Variants in ATP11B observed in about 807,000 individuals in gnomAD.
The protein encoded by ATP11B is phospholipid-transporting ATPase IF.
A neutral mutation model predicts 157.8 loss-of-function variants in ATP11B; 81 were observed. That is an observed-to-expected ratio of 0.51 (90% CI 0.43 to 0.62). The LOEUF is 0.62. ATP11B is among the 20% of genes least tolerant of loss of function. The probability of loss-of-function intolerance (pLI) is 0.00; values close to 1 mark genes in which losing one functional copy is unlikely to be tolerated. For synonymous variants in ATP11B, 451 were observed against 469.4 expected (o/e 0.96, Z 0.51); for missense variants, 1,165 against 1,402.2 (o/e 0.83, Z 2.70).
intron 1 of ATP11B, among the ~76,000 whole-genome samples, chr3:182,800,556 A>G (rs9863174): frequency 0.71 from 108,134 of 151,810 alleles, 38,958 homozygotes; most frequent in Non-Finnish European, 0.77. Flanking sequence ...TTTTGCATAT[A>G]TGGTTATAAT....
Position 182,864,463 on chromosome 3 carries a change from G to T in ATP11B, c.1201-993G>T, listed in dbSNP as rs1025178744. ...TTGTTGAACGCCTTTATCATGAAGGGTATTGGATTTTTATCAAATGCTTTT... is the reference window on the plus strand; with the variant it reads ...TTGTTGAACGCCTTTATCATGAAGGTTATTGGATTTTTATCAAATGCTTTT... On this transcript the variant is annotated intron_variant, in intron 12 of 29. Transcript: ENST00000323116. Among the ~76,000 whole-genome samples, 7 of 151,976 alleles carry T rather than the reference G, an allele frequency of 4.6e-5. No individual in the cohort carries two copies. The East Asian group carries it at 1.2e-3, about 25-fold the overall frequency.
intron 2 of ATP11B, among the ~76,000 whole-genome samples, chr3:182,825,534 C>T (rs141942639): frequency 0.011 from 1,616 of 152,188 alleles, 30 homozygotes; most frequent in African/African-American, 0.037. Context: ...GCCTGGCCAA[C>T]AGGGTGAAAC....
At chr3:182,862,836 A>T (rs1306318288) in intron 12 of ATP11B, among the ~76,000 whole-genome samples, 2 of 149,578 alleles carry the variant, frequency 1.3e-5, no homozygotes, top group Admixed American at 6.7e-5. Context: ...TTTTATCCTC[A>T]TGGTGAAGTT....
chr3:182,885,208 C>G (rs1408736713), intron 22 of ATP11B, among the ~76,000 whole-genome samples: 7 of 152,040 alleles, frequency 4.6e-5, no homozygotes. Flanking sequence ...CCATGAATGA[C>G]CTTTTAGTAG....
intron 10 of ATP11B, among the ~76,000 whole-genome samples, chr3:182,854,798 CA>C (rs1720252014): frequency 7.9e-6 from 1 of 127,196 alleles, no homozygotes; most frequent in Non-Finnish European, 1.7e-5. Flanking sequence ...CACACACACA[CA>C]CCTGCCTACA....
intron 4 of ATP11B, among the ~76,000 whole-genome samples, chr3:182,835,614 A>T (rs901142151): frequency 1.3e-4 from 20 of 152,280 alleles, no homozygotes; most frequent in Admixed American, 9.2e-4. Context: ...TGAGATATTA[A>T]TAAAGCAATT....
intron 28 of ATP11B, among the ~76,000 whole-genome samples, chr3:182,904,285 A>G (rs147550676): frequency 7.9e-4 from 121 of 152,318 alleles, no homozygotes; most frequent in African/African-American, 2.8e-3. Context: ...GCATCATAGA[A>G]GAGCAAAAAG....
rs746015090 is a variant in ATP11B, at chr3:182,884,740, C to T, written c.2510-13C>T. 1.2e-5 allele frequency: 19 copies of T among 1,580,390 alleles called. No homozygotes were observed. The highest frequency in any genetic ancestry group is 6.8e-6 in the Non-Finnish European group (8 of 1,170,674). On this transcript the variant is annotated splice_polypyrimidine_tract_variant and intron_variant, in intron 21 of 29. Coordinates refer to ENST00000323116, the MANE Select transcript of ATP11B (RefSeq NM_014616.3). Reference sequence around the variant, plus strand: ...GTTATCAGTGAACATGTCTTTTGTCCCTTTTATTATAGGAATCATGGGTAA... The same window carrying T: ...GTTATCAGTGAACATGTCTTTTGTCTCTTTTATTATAGGAATCATGGGTAA...
At position 182,898,786 on chromosome 3, in the gene ATP11B, A is replaced by G. The variant is rs748906607; in HGVS notation, c.3318+14A>G. The stretch of plus-strand genomic sequence containing the variant: ...GAAAAGGCACAGGTAACCACTTTTT[A>G]TAATAAATTCAATATCTTTTTAGTT... On this transcript the variant is annotated intron_variant, in intron 28 of 29. Coordinates refer to ENST00000323116, the MANE Select transcript of ATP11B (RefSeq NM_014616.3). 3.4e-6 allele frequency: 5 copies of G among 1,465,904 alleles called. No homozygotes were observed. Among genetic ancestry groups the G allele is most frequent in the East Asian group, 4.9e-5 (2 of 40,460 alleles). 90.8% of individuals were successfully genotyped at this position (1,465,904 alleles called of 1,614,324 possible). A position where few individuals can be genotyped will look rare whatever the true frequency, so the allele number is the denominator to read the frequency against.
At chr3:182,908,965 A>G (rs758119306) in intron 28 of ATP11B, among the ~76,000 whole-genome samples, 5 of 152,238 alleles carry the variant, frequency 3.3e-5, no homozygotes, top group Non-Finnish European at 7.3e-5. Flanking sequence ...TATCCAGTAT[A>G]TAGAACACCT....
At chr3:182,816,721 A>G (rs1416758664) in intron 1 of ATP11B, among the ~76,000 whole-genome samples, 3 of 152,244 alleles carry the variant, frequency 2.0e-5, no homozygotes, top group Admixed American at 6.5e-5. Context: ...GCTTCTTTTC[A>G]TCATGCAAAG....
At chr3:182,878,643 A>G (rs894621088) in intron 19 of ATP11B, among the ~76,000 whole-genome samples, 81 of 152,182 alleles carry the variant, frequency 5.3e-4, no homozygotes, top group African/African-American at 1.9e-3. Context: ...TTGGAGTAGC[A>G]CCTACGTAGC....
At chr3:182,864,692 CTTCTT>C (rs372341584) in intron 12 of ATP11B, among the ~76,000 whole-genome samples, 6 of 152,018 alleles carry the variant, frequency 3.9e-5, no homozygotes, top group Non-Finnish European at 7.4e-5. Flanking sequence ...TGATCTGTAG[CTTCTT>C]TTCTTGTGAT....
chr3:182,914,056 C>A, intron 29 of ATP11B, 62 bp downstream of exon 29: 2 of 1,595,792 alleles, frequency 1.3e-6, no homozygotes, highest in Non-Finnish European at 1.7e-6. Context: ...ACAGGATGAA[C>A]CTGCCGCTCT....
chr3:182,884,420 T>A (rs1722663676), intron 21 of ATP11B, among the ~76,000 whole-genome samples: 1 of 152,142 alleles, frequency 6.6e-6, no homozygotes, highest in African/African-American at 2.4e-5. Flanking sequence ...ATTCTGTCCA[T>A]CAGAAGTCTG....
At chr3:182,869,639 T>C (rs537041236) in intron 17 of ATP11B, among the ~76,000 whole-genome samples, 2 of 152,334 alleles carry the variant, frequency 1.3e-5, no homozygotes, top group East Asian at 3.9e-4. Context: ...GGAACCCTTA[T>C]ACACATATTG....
At chr3:182,849,316 C>T (rs1030306795) in intron 10 of ATP11B, among the ~76,000 whole-genome samples, 1 of 152,120 alleles carries the variant, frequency 6.6e-6, no homozygotes, top group African/African-American at 2.4e-5. Context: ...ATAAAAATAG[C>T]ACTCTTCTGA....
intron 29 of ATP11B, 117 bp from the exon 30 acceptor site, chr3:182,917,906 A>G (rs1474123232): frequency 7.0e-7 from 1 of 1,422,788 alleles, no homozygotes; most frequent in Non-Finnish European, 9.2e-7. Context: ...ACCTCTCTTT[A>G]GTATTTAAAT....
intron 28 of ATP11B, among the ~76,000 whole-genome samples, chr3:182,901,045 T>A (rs771942354): frequency 2.6e-5 from 4 of 152,118 alleles, no homozygotes; most frequent in Admixed American, 6.6e-5. Flanking sequence ...TAGCCGGGCA[T>A]GGTGGCAGGC....
Sources: allele counts gnomAD v4.1 joint callset (sites outside exome capture counted in the v4.1 genomes callset), GRCh38; gene constraint gnomAD v4.1.1; transcripts MANE v1.5; gene names NCBI Gene and HGNC (gene_info 2026-07-23, HGNC 2026-07-21).